C7orf78: variants seen among roughly 807,000 people sequenced by gnomAD.
The protein encoded by C7orf78 is chromosome 7 open reading frame 78.
At chr7:12,533,512 C>CTT in the C7orf78 span, among the ~76,000 whole-genome samples, 118 of 112,612 alleles carry the variant, frequency 1.0e-3, no homozygotes, top group Middle Eastern at 6.8e-3. Context: ...CCAAAGGTTT[C>CTT]TTTTTTTTTT....
At chr7:12,538,896 A>G in the C7orf78 span, among the ~76,000 whole-genome samples, 1 of 152,102 alleles carries the variant, frequency 6.6e-6, no homozygotes, top group African/African-American at 2.4e-5. Context: ...GGGGACATAT[A>G]TGAAACCACT....
the C7orf78 span, among the ~76,000 whole-genome samples, chr7:12,488,933 T>C: frequency 6.6e-6 from 1 of 151,376 alleles, no homozygotes; most frequent in Non-Finnish European, 1.5e-5. Flanking sequence ...TTTTGGTTTT[T>C]TGCTTTGGCT....
chr7:12,515,376 T>C, the C7orf78 span, among the ~76,000 whole-genome samples: 2 of 152,206 alleles, frequency 1.3e-5, no homozygotes, highest in Non-Finnish European at 2.9e-5. Context: ...CCTCCCACCA[T>C]AATTCTGAGG....
At chr7:12,493,564 C>T in the C7orf78 span, among the ~76,000 whole-genome samples, 1 of 152,182 alleles carries the variant, frequency 6.6e-6, no homozygotes, top group Non-Finnish European at 1.5e-5. Context: ...GATACTCATG[C>T]TCTTGGTCTG....
At chr7:12,535,647 T>G in the C7orf78 span, among the ~76,000 whole-genome samples, 31 of 152,086 alleles carry the variant, frequency 2.0e-4, 1 homozygote, top group African/African-American at 7.2e-4. Flanking sequence ...AAGTCCACGG[T>G]CCAACATCTC....
the C7orf78 span, among the ~76,000 whole-genome samples, chr7:12,504,908 T>C: frequency 2.6e-5 from 4 of 152,220 alleles, no homozygotes; most frequent in East Asian, 5.8e-4. Flanking sequence ...AGTGTATCTG[T>C]ATCTATTTTT....
At chr7:12,512,908 A>G in the C7orf78 span, among the ~76,000 whole-genome samples, 1 of 152,120 alleles carries the variant, frequency 6.6e-6, no homozygotes, top group African/African-American at 2.4e-5. Flanking sequence ...AGTCGGTTGT[A>G]TGCCTCCAGG....
At chr7:12,520,061 C>A in the C7orf78 span, among the ~76,000 whole-genome samples, 1 of 152,204 alleles carries the variant, frequency 6.6e-6, no homozygotes, top group Admixed American at 6.5e-5. Context: ...GTTGGGATTG[C>A]AGCAGTCCAC....
At chr7:12,537,382 C>A in the C7orf78 span, among the ~76,000 whole-genome samples, 1 of 152,312 alleles carries the variant, frequency 6.6e-6, no homozygotes, top group Admixed American at 6.5e-5. Flanking sequence ...AATTCAATCA[C>A]CTCCCACTGG....
the C7orf78 span, among the ~76,000 whole-genome samples, chr7:12,537,672 T>C: frequency 6.6e-6 from 1 of 152,158 alleles, no homozygotes; most frequent in Non-Finnish European, 1.5e-5. Flanking sequence ...CTAAAAGATA[T>C]ATATAGGAAT....
chr7:12,499,696 C>T, the C7orf78 span, among the ~76,000 whole-genome samples: 1 of 151,572 alleles, frequency 6.6e-6, no homozygotes, highest in Non-Finnish European at 1.5e-5. Context: ...ACAAGGATAC[C>T]CAGGAATTGA....
the C7orf78 span, chr7:12,531,122 G>A: frequency 2.5e-6 from 1 of 398,092 alleles, no homozygotes; most frequent in Non-Finnish European, 4.4e-6. Flanking sequence ...TTTGTTGTTA[G>A]ATACTTATAT....
the C7orf78 span, among the ~76,000 whole-genome samples, chr7:12,534,241 G>C: frequency 6.6e-6 from 1 of 152,032 alleles, no homozygotes; most frequent in Non-Finnish European, 1.5e-5. Context: ...CCATGAAAAA[G>C]CTATGTAAGC....
At chr7:12,503,253 GA>G in the C7orf78 span, among the ~76,000 whole-genome samples, 1 of 149,952 alleles carries the variant, frequency 6.7e-6, no homozygotes, top group East Asian at 1.9e-4. Context: ...ATAAATAAAA[GA>G]AGGAAACACA....
chr7:12,534,977 G>GGGAGGGAA, the C7orf78 span, among the ~76,000 whole-genome samples: 1 of 130,372 alleles, frequency 7.7e-6, no homozygotes, highest in Admixed American at 8.2e-5. Context: ...GAAGGAAGGA[G>GGGAGGGAA]GGAAGGAAGG....
chr7:12,495,516 A>C, the C7orf78 span, among the ~76,000 whole-genome samples: 136 of 152,262 alleles, frequency 8.9e-4, no homozygotes, highest in African/African-American at 3.1e-3. Flanking sequence ...TTCAATTCTT[A>C]CCTAGTTGTG....
At chr7:12,516,762 C>G in the C7orf78 span, among the ~76,000 whole-genome samples, 3 of 152,114 alleles carry the variant, frequency 2.0e-5, no homozygotes, top group African/African-American at 2.4e-5. Context: ...ATTTGACTGC[C>G]CAGATGGATT....
the C7orf78 span, among the ~76,000 whole-genome samples, chr7:12,537,235 A>G: frequency 1.3e-5 from 2 of 152,248 alleles, no homozygotes; most frequent in Non-Finnish European, 2.9e-5. Flanking sequence ...GTCATGGCGG[A>G]AGGTGAAAGG....
the C7orf78 span, among the ~76,000 whole-genome samples, chr7:12,526,907 C>T: frequency 1.3e-5 from 2 of 152,016 alleles, no homozygotes; most frequent in Non-Finnish European, 2.9e-5. Context: ...TAGAAAATGC[C>T]GTCTAGCTGT....
Sources: gnomAD v4.1 joint callset for allele counts (sites outside exome capture counted in the v4.1 genomes callset) on GRCh38, gnomAD v4.1.1 for gene constraint, MANE v1.5 for transcripts, NCBI Gene and HGNC (gene_info 2026-07-23, HGNC 2026-07-21) for gene names.